The following ACVR1 variants were observed in gnomAD, a reference collection of about 807,000 sequenced individuals.
ACVR1 encodes the protein activin receptor type-1.
In ACVR1, 38 loss-of-function variants were observed where a neutral mutation model predicts 57.1. That is an observed-to-expected ratio of 0.67 (90% confidence interval 0.51 to 0.87). The LOEUF is 0.87. Ranked by LOEUF, ACVR1 falls within the 40% of genes least tolerant of loss-of-function variation. ACVR1 has a pLI of 0.00. For missense variants in ACVR1, 463 were observed against 638.2 expected, an observed-to-expected ratio of 0.73 and a Z score of 2.96; for synonymous variants, 212 against 228.1, an observed-to-expected ratio of 0.93 and a Z score of 0.63.
At chr2:157,758,292 A>G (rs996517777) in intron 9 of ACVR1, among the ~76,000 whole-genome samples, 1 of 152,054 alleles carries the variant, frequency 6.6e-6, no homozygotes, top group Non-Finnish European at 1.5e-5. Flanking sequence ...CCAAGACCCC[A>G]GTCTAAACCA....
chr2:157,801,682 T>C (rs1403400154), intron 2 of ACVR1, among the ~76,000 whole-genome samples: 1 of 152,214 alleles, frequency 6.6e-6, no homozygotes, highest in African/African-American at 2.4e-5. Flanking sequence ...ACACCTTAAA[T>C]ATTTTATCCT....
intron 3 of ACVR1, among the ~76,000 whole-genome samples, chr2:157,789,496 C>T (rs2105292777): frequency 6.6e-6 from 1 of 152,310 alleles, no homozygotes; most frequent in East Asian, 1.9e-4. Context: ...CTAAAGATAA[C>T]CCAAGTATCT....
At chr2:157,739,850 A>G (rs527861319) in intron 9 of ACVR1, among the ~76,000 whole-genome samples, 4 of 152,220 alleles carry the variant, frequency 2.6e-5, no homozygotes, top group Non-Finnish European at 5.9e-5. Flanking sequence ...TGGCTAAATA[A>G]AGGTTTATAT....
chr2:157,776,063 C>G (rs747757768), intron 5 of ACVR1, among the ~76,000 whole-genome samples: 7 of 152,174 alleles, frequency 4.6e-5, no homozygotes, highest in Non-Finnish European at 8.8e-5. Context: ...TTAGTAAGGG[C>G]ATGCTTTGTT....
intron 2 of ACVR1, among the ~76,000 whole-genome samples, chr2:157,807,260 T>G (rs889253760): frequency 7.2e-5 from 11 of 152,204 alleles, no homozygotes; most frequent in Non-Finnish European, 1.2e-4. Context: ...CAGAATGAAA[T>G]TGACTTTGTT....
chr2:157,768,427 TA>T (rs1007661431), intron 7 of ACVR1, among the ~76,000 whole-genome samples: 3 of 152,178 alleles, frequency 2.0e-5, no homozygotes, highest in African/African-American at 7.2e-5. Context: ...AAATTACTGT[TA>T]TATATCTGTG....
chr2:157,768,537 C>A (rs958557279), intron 7 of ACVR1, among the ~76,000 whole-genome samples: 2 of 152,076 alleles, frequency 1.3e-5, no homozygotes, highest in African/African-American at 2.4e-5. Context: ...TCACTAAGCC[C>A]CTTAGGTCTT....
chr2:157,820,248 C>G (rs1688115912), intron 1 of ACVR1, among the ~76,000 whole-genome samples: 3 of 152,172 alleles, frequency 2.0e-5, no homozygotes, highest in Non-Finnish European at 2.9e-5. Context: ...AGTGAAAGAG[C>G]AAAAATGCAT....
intron 1 of ACVR1, among the ~76,000 whole-genome samples, chr2:157,840,731 T>C (rs964339005): frequency 1.3e-5 from 2 of 152,222 alleles, no homozygotes; most frequent in Non-Finnish European, 2.9e-5. Flanking sequence ...GAAGCCAGCA[T>C]GGGGGCAGGG....
At chr2:157,782,192 A>T (rs1427555660) in intron 3 of ACVR1, among the ~76,000 whole-genome samples, 1 of 152,178 alleles carries the variant, frequency 6.6e-6, no homozygotes, top group Non-Finnish European at 1.5e-5. Flanking sequence ...GAAGTGGAAA[A>T]ATAGTTCACT....
At chr2:157,749,305 A>G (rs954018862) in intron 9 of ACVR1, among the ~76,000 whole-genome samples, 26 of 152,228 alleles carry the variant, frequency 1.7e-4, no homozygotes, top group African/African-American at 6.0e-4. Context: ...TGTGGGGGAC[A>G]TAGGTTAAAA....
intron 3 of ACVR1, among the ~76,000 whole-genome samples, chr2:157,796,989 A>T (rs963824825): frequency 5.9e-5 from 9 of 152,234 alleles, no homozygotes; most frequent in African/African-American, 2.2e-4. Context: ...ATGGTCTATA[A>T]CAGCACTGGC....
rs933717920 is a variant in ACVR1 at position 157,876,056 on chromosome 2, G to A, written c.-443C>T. Among the ~76,000 whole-genome samples, 2 of 149,112 alleles carry A rather than the reference G, an allele frequency of 1.3e-5. No homozygotes were observed. Among genetic ancestry groups the A allele is most frequent in the African/African-American group, 4.9e-5 (2 of 40,714 alleles). ...GGCCGGCGCGGCTGGCCGAGGAGCA[G>A]GCTGGCAGCGGCAGCGGCGGCAGCG... is the stretch of plus-strand genomic sequence containing the variant. On this transcript the variant is annotated 5_prime_UTR_variant, in exon 1 of 11. Transcript: ENST00000434821.
intron 1 of ACVR1, among the ~76,000 whole-genome samples, chr2:157,836,033 A>C (rs191470890): frequency 6.6e-6 from 1 of 152,342 alleles, no homozygotes; most frequent in Admixed American, 6.5e-5. Context: ...AATTCACCCA[A>C]ATCTTTTAAA....
intron 1 of ACVR1, chr2:157,819,454 C>A (rs1688078260): frequency 6.6e-6 from 1 of 151,128 alleles, no homozygotes; most frequent in South Asian, 2.1e-4. Flanking sequence ...CGAGATCACG[C>A]CATTCCACTC....
At chr2:157,846,583 A>C (rs1689132710) in intron 1 of ACVR1, among the ~76,000 whole-genome samples, 1 of 152,214 alleles carries the variant, frequency 6.6e-6, no homozygotes, top group African/African-American at 2.4e-5. Context: ...TACATATGCC[A>C]TATGAAGGAA....
intron 7 of ACVR1, among the ~76,000 whole-genome samples, chr2:157,769,860 T>C (rs1360232914): frequency 1.3e-5 from 2 of 152,238 alleles, no homozygotes; most frequent in African/African-American, 4.8e-5. Context: ...TTCACAAATG[T>C]TGCTAAGCTT....
intron 1 of ACVR1, among the ~76,000 whole-genome samples, chr2:157,852,853 G>C (rs1235142691): frequency 6.6e-6 from 1 of 152,148 alleles, no homozygotes; most frequent in African/African-American, 2.4e-5. Flanking sequence ...TCAGGCACTA[G>C]GTACTGAGAG....
Position 157,828,923 on chromosome 2 carries a change from T to C in ACVR1, c.-182-10364A>G, listed in dbSNP as rs573043585. 1.8e-4 allele frequency among the ~76,000 whole-genome samples: 27 copies of C among 152,144 alleles called. No homozygotes were observed. The East Asian group carries it at 4.5e-3, about 25-fold the overall frequency. On this transcript the variant is annotated intron_variant, in intron 1 of 10. Coordinates refer to ENST00000434821, the MANE Select transcript of ACVR1 (RefSeq NM_001111067.4). ...CTGGGATTACAGGCACCCACCACCA[T>C]GCCCAGATAATTTTTGTATTTTTAG...
Sources: gnomAD v4.1 joint callset for allele counts (sites outside exome capture counted in the v4.1 genomes callset) on GRCh38, gnomAD v4.1.1 for gene constraint, MANE v1.5 for transcripts, NCBI Gene and HGNC (gene_info 2026-07-23, HGNC 2026-07-21) for gene names.